The following RCOR1 variants were observed in gnomAD, a reference collection of about 807,000 sequenced individuals.
RCOR1 encodes REST corepressor 1, also known as REST corepressor.
RCOR1 carries 12 observed loss-of-function variants against 64.0 expected under a neutral mutation model. The ratio of observed to expected loss-of-function variants is 0.19; its 90% CI spans 0.12 to 0.30. The LOEUF (loss-of-function observed/expected upper bound fraction) is 0.30. Among genes scored for constraint, RCOR1 ranks in the 10% least tolerant of loss-of-function variants. The pLI is 1.00. For missense variants in RCOR1, 502 were observed against 621.2 expected (o/e 0.81, Z 2.04); for synonymous variants, 279 against 227.2 (o/e 1.23, Z -2.05).
intron 5 of RCOR1, among the ~76,000 whole-genome samples, chr14:102,707,838 G>A (rs1255809620): frequency 6.6e-6 from 1 of 151,826 alleles, no homozygotes; most frequent in Non-Finnish European, 1.5e-5. Flanking sequence ...CACCAGGCTG[G>A]AGTGCAGTGG....
At chr14:102,597,592 G>T (rs1035673886) in intron 2 of RCOR1, among the ~76,000 whole-genome samples, 9 of 142,972 alleles carry the variant, frequency 6.3e-5, no homozygotes, top group Admixed American at 5.0e-4. Flanking sequence ...GCTTCCCAAA[G>T]TGCTGGGATT....
At chr14:102,683,777 G>A (rs1004624143) in intron 3 of RCOR1, among the ~76,000 whole-genome samples, 8 of 152,250 alleles carry the variant, frequency 5.3e-5, no homozygotes, top group South Asian at 2.1e-4. Context: ...TGCTGCTTCC[G>A]GGTCCCTCTT....
chr14:102,690,318 C>G (rs1037215394), intron 3 of RCOR1, among the ~76,000 whole-genome samples: 9 of 152,076 alleles, frequency 5.9e-5, no homozygotes, highest in African/African-American at 2.2e-4. Flanking sequence ...CATGTAGATA[C>G]ATAGTAAATG....
intron 3 of RCOR1, among the ~76,000 whole-genome samples, chr14:102,699,312 CT>C (rs1160844975): frequency 6.6e-6 from 1 of 152,122 alleles, no homozygotes; most frequent in Non-Finnish European, 1.5e-5. Context: ...CAGTTTGTAA[CT>C]ATTTTAAATA....
At chr14:102,627,782 C>T (rs185950585) in intron 2 of RCOR1, among the ~76,000 whole-genome samples, 1 of 152,174 alleles carries the variant, frequency 6.6e-6, no homozygotes, top group Admixed American at 6.6e-5. Context: ...CCCCACTGCT[C>T]CTCTAGAGTT....
chr14:102,607,475 G>A (rs1893536175), intron 2 of RCOR1, among the ~76,000 whole-genome samples: 1 of 152,084 alleles, frequency 6.6e-6, no homozygotes, highest in Non-Finnish European at 1.5e-5. Flanking sequence ...GGCCAGGTGT[G>A]GTGACTCATG....
At chr14:102,697,492 T>A (rs1895672908) in intron 3 of RCOR1, among the ~76,000 whole-genome samples, 1 of 152,198 alleles carries the variant, frequency 6.6e-6, no homozygotes, top group Admixed American at 6.5e-5. Context: ...TCTGTCTGAT[T>A]TTTGTTGGAC....
At chr14:102,681,780 C>T (rs1044070916) in intron 2 of RCOR1, 115 bp from the exon 3 acceptor site, 37 of 682,776 alleles carry the variant, frequency 5.4e-5, no homozygotes, top group Non-Finnish European at 8.1e-5. Context: ...AGTGTGGGGC[C>T]CATTGGGCCA....
chr14:102,717,595 A>G (rs1209207183), intron 8 of RCOR1, among the ~76,000 whole-genome samples: 4 of 152,102 alleles, frequency 2.6e-5, no homozygotes, highest in Non-Finnish European at 5.9e-5. Flanking sequence ...TTTGCACTGG[A>G]AGAACTGTCT....
chr14:102,712,797 G>C (rs1489710540), intron 7 of RCOR1, among the ~76,000 whole-genome samples: 2 of 151,130 alleles, frequency 1.3e-5, no homozygotes, highest in Non-Finnish European at 2.9e-5. Context: ...AATTGTAGTT[G>C]TAGTTTTTAT....
At chr14:102,700,373 C>T (rs937039215) in intron 3 of RCOR1, among the ~76,000 whole-genome samples, 2 of 152,100 alleles carry the variant, frequency 1.3e-5, no homozygotes, top group Non-Finnish European at 2.9e-5. Context: ...AGGCATGTGC[C>T]ACCACACCTG....
chr14:102,596,388 C>T (rs1401756286), intron 2 of RCOR1, among the ~76,000 whole-genome samples: 2 of 152,172 alleles, frequency 1.3e-5, no homozygotes, highest in African/African-American at 4.8e-5. Context: ...CAGGGGTGAG[C>T]CACCGTGCCC....
At chr14:102,692,331 TGTG>T (rs1298044504) in intron 3 of RCOR1, among the ~76,000 whole-genome samples, 1 of 152,172 alleles carries the variant, frequency 6.6e-6, no homozygotes, top group Admixed American at 6.5e-5. Flanking sequence ...TTTACTGTCC[TGTG>T]GTTATGTAGG....
At position 102,619,473 on chromosome 14, in the gene RCOR1, CTT is replaced by C. The variant is rs35488660; in HGVS notation, c.361+26171_361+26172del. ...TGTCTATCTATCTATTCTATCTAATCTTTTTTTTTTTTTTTTTTTTTTTTGGA... is the reference window on the plus strand; with the variant it reads ...TGTCTATCTATCTATTCTATCTAATCTTTTTTTTTTTTTTTTTTTTTTGGA... On this transcript the variant is annotated intron_variant, in intron 2 of 11. Transcript: ENST00000262241. 3.0e-3 allele frequency among the ~76,000 whole-genome samples: 398 copies of C among 131,014 alleles called. 2 individuals are homozygous for C. The highest frequency in any genetic ancestry group is 0.011 in the African/African-American group (384 of 33,736). 86.0% of individuals were successfully genotyped at this position (131,014 alleles called of 152,430 possible). A position where few individuals can be genotyped will look rare whatever the true frequency, so the allele number is the denominator to read the frequency against.
chr14:102,598,238 G>T (rs946036604), intron 2 of RCOR1, among the ~76,000 whole-genome samples: 1 of 152,196 alleles, frequency 6.6e-6, no homozygotes, highest in African/African-American at 2.4e-5. Context: ...TTACAGGTGT[G>T]AGCCACTGTG....
intron 3 of RCOR1, among the ~76,000 whole-genome samples, chr14:102,693,372 T>TA (rs1303596384): frequency 6.6e-6 from 1 of 151,432 alleles, no homozygotes; most frequent in Admixed American, 6.6e-5. Context: ...AAAGATTTGT[T>TA]AAATCAGTGG....
intron 2 of RCOR1, among the ~76,000 whole-genome samples, chr14:102,672,104 AGCTGTTGAGTAAT>A (rs1397410061): frequency 1.3e-5 from 2 of 152,124 alleles, no homozygotes; most frequent in East Asian, 3.9e-4. Context: ...TCTACCTTTT[AGCTGTTGAGTAAT>A]GCTGCTATGA....
In RCOR1 at chr14:102,592,877, G is replaced by A. The variant is rs749441387; in HGVS notation, c.-10G>A. ...TCCCCGCCACTTTCGCACGGCCCCGGCCCCCGCCGATGCCGGCCATGGTGG... is the reference window on the plus strand; with the variant it reads ...TCCCCGCCACTTTCGCACGGCCCCGACCCCCGCCGATGCCGGCCATGGTGG... On this transcript the variant is annotated 5_prime_UTR_variant, in exon 1 of 12. Coordinates refer to ENST00000262241, the MANE Select transcript of RCOR1 (RefSeq NM_015156.4). The A allele has an allele frequency of 1.6e-6, 2 of 1,222,460 alleles. No individual in the cohort carries two copies. The highest frequency in any genetic ancestry group is 5.5e-5 in the South Asian group (2 of 36,194). The allele number at this position is 1,222,460 out of a possible 1,614,324, so 75.7% of individuals were successfully genotyped here. A position where few individuals can be genotyped will look rare whatever the true frequency, so the allele number is the denominator to read the frequency against.
At chr14:102,603,542 C>T (rs1394315140) in intron 2 of RCOR1, among the ~76,000 whole-genome samples, 1 of 152,058 alleles carries the variant, frequency 6.6e-6, no homozygotes, top group African/African-American at 2.4e-5. Flanking sequence ...GGTCTTAACC[C>T]TGGCCCAGGG....
Sources: gnomAD v4.1 joint callset for allele counts (sites outside exome capture counted in the v4.1 genomes callset) on GRCh38, gnomAD v4.1.1 for gene constraint, MANE v1.5 for transcripts, NCBI Gene and HGNC (gene_info 2026-07-23, HGNC 2026-07-21) for gene names.